ASXL3: variants seen among roughly 807,000 people sequenced by gnomAD.
ASXL3 encodes ASXL transcriptional regulator 3, also known as putative Polycomb group protein ASXL3.
A neutral mutation model predicts 170.6 loss-of-function variants in ASXL3; 34 were observed. The observed-to-expected ratio is 0.20, with a 90% CI of 0.15 to 0.27. ASXL3 has a LOEUF of 0.27. ASXL3 is among the 10% of genes least tolerant of loss of function. The pLI, the probability that ASXL3 is intolerant of heterozygous loss-of-function variation, is 1.00. For missense variants in ASXL3, 2,592 were observed against 2,695.3 expected, an observed-to-expected ratio of 0.96 and a Z score of 0.85; for synonymous variants, 1,002 against 989.1, an observed-to-expected ratio of 1.01 and a Z score of -0.24.
chr18:33,695,818 C>T (rs1425269387), intron 8 of ASXL3, among the ~76,000 whole-genome samples: 1 of 152,102 alleles, frequency 6.6e-6, no homozygotes, highest in Non-Finnish European at 1.5e-5. Context: ...CATGTATAAT[C>T]CACTACCACT....
chr18:33,710,264 A>AAAAAC (rs1291551616), intron 8 of ASXL3, among the ~76,000 whole-genome samples: 8 of 152,218 alleles, frequency 5.3e-5, no homozygotes, highest in Non-Finnish European at 8.8e-5. Flanking sequence ...TCCGTCTCAA[A>AAAAAC]AAAACAAAAC....
At chr18:33,646,146 CAAAT>C (rs765587224) in intron 3 of ASXL3, 95 bp from the exon 4 acceptor site, 2 of 789,098 alleles carry the variant, frequency 2.5e-6, no homozygotes, top group Non-Finnish European at 3.9e-6. Context: ...TGTTAAGTCA[CAAAT>C]AACTGATCAT....
chr18:33,736,345 C>CCTT (rs2067547271), intron 10 of ASXL3, among the ~76,000 whole-genome samples: 1 of 151,772 alleles, frequency 6.6e-6, no homozygotes, highest in African/African-American at 2.4e-5. Context: ...CTACTTAGCC[C>CCTT]TTTTTTTTGC....
chr18:33,747,200 T>C lies in ASXL3; in HGVS notation c.*605T>C, dbSNP rs1171769386. ...TATTATCTTTCCTCCTGTTGTACTT[T>C]CTCAGAGACTATGGCAGAATATCTG... On this transcript the variant is annotated 3_prime_UTR_variant, in exon 12 of 12. Transcript: ENST00000269197. The C allele has an allele frequency of 6.6e-6, 1 of 152,238 alleles. No homozygotes were observed. The highest frequency in any genetic ancestry group is 1.5e-5 in the Non-Finnish European group (1 of 68,048). 9.4% of individuals were successfully genotyped at this position (152,238 alleles called of 1,614,324 possible).
chr18:33,722,771 G>GC (rs2067284905), intron 8 of ASXL3, among the ~76,000 whole-genome samples: 2 of 152,162 alleles, frequency 1.3e-5, no homozygotes, highest in African/African-American at 4.8e-5. Context: ...GGAAAAAGAT[G>GC]CCATTGGGCT....
At position 33,703,478 on chromosome 18, in the gene ASXL3, C is replaced by A. The variant is rs553370797; in HGVS notation, c.879+19910C>A. 3.3e-5 allele frequency among the ~76,000 whole-genome samples: 5 copies of A among 152,254 alleles called. No homozygotes were observed. In the East Asian group the frequency reaches 7.8e-4, roughly 24 times the overall value. On this transcript the variant is annotated intron_variant, in intron 8 of 11. Coordinates refer to ENST00000269197, the MANE Select transcript of ASXL3 (RefSeq NM_030632.3). The stretch of plus-strand genomic sequence containing the variant: ...GTCACTCATGCGGTGGAGCCACCAC[C>A]CTACAGTGGCCCACTGCCCAAAAGA...
chr18:33,673,758 A>G (rs1427723343), intron 7 of ASXL3, among the ~76,000 whole-genome samples: 4 of 152,218 alleles, frequency 2.6e-5, no homozygotes, highest in African/African-American at 4.8e-5. Flanking sequence ...CAACTGAAAG[A>G]TATAAAGACT....
intron 2 of ASXL3, chr18:33,609,034 G>C (rs2065293887): frequency 5.1e-6 from 5 of 984,664 alleles, no homozygotes; most frequent in Non-Finnish European, 6.0e-6. Flanking sequence ...CTGTGTTTGT[G>C]CTAGTTGTTC....
intron 8 of ASXL3, among the ~76,000 whole-genome samples, chr18:33,699,381 A>C (rs1047807438): frequency 6.6e-6 from 1 of 152,094 alleles, no homozygotes; most frequent in Non-Finnish European, 1.5e-5. Context: ...TATTAGTTGA[A>C]GAGTAGAATA....
intron 5 of ASXL3, among the ~76,000 whole-genome samples, chr18:33,663,439 G>A (rs2066208985): frequency 6.6e-6 from 1 of 151,990 alleles, no homozygotes; most frequent in Non-Finnish European, 1.5e-5. Context: ...TTTTGGTTTT[G>A]TATTATTTGA....
In ASXL3 at chr18:33,738,683, G is replaced by C; in HGVS notation, c.1279G>C (p.Glu427Gln). 6.2e-7 allele frequency: 1 copy of C among 1,613,980 alleles called. No individual in the cohort carries two copies. The highest frequency in any genetic ancestry group is 8.5e-7 in the Non-Finnish European group (1 of 1,179,872). The stretch of plus-strand genomic sequence containing the variant: ...CTGTGCTACTCTTTGCCCTATGGTA[G>C]AAATTCCACCTAAAGATATAATGGC... Reference protein sequence around the residue: ...GFCATLCPMVEIPPKDIMAEL... With the variant: ...GFCATLCPMVQIPPKDIMAEL... The change falls in exon 11 of 12, where the codon GAA becomes CAA. Residue 427 changes from glutamate (E) to glutamine (Q), a missense_variant. Physicochemically the swap from Glu to Gln is conservative, Grantham distance 29 (BLOSUM62 2). This residue lies in a region of ASXL3 where 2,246 missense variants were observed against 2,219.6 expected (regional missense o/e 1.01). Transcript: ENST00000269197.
chr18:33,648,393 T>C (rs375553060), intron 4 of ASXL3, among the ~76,000 whole-genome samples: 2 of 151,664 alleles, frequency 1.3e-5, no homozygotes, highest in African/African-American at 4.8e-5. Context: ...GAGAAAGGAG[T>C]TGGGGATAAC....
At chr18:33,642,593 A>G (rs760096676) in intron 2 of ASXL3, among the ~76,000 whole-genome samples, 21 of 151,944 alleles carry the variant, frequency 1.4e-4, no homozygotes, top group Non-Finnish European at 2.7e-4. Flanking sequence ...TGCAATAGTT[A>G]TTGAGACTTT....
chr18:33,677,316 C>T (rs1015004157), intron 7 of ASXL3, among the ~76,000 whole-genome samples: 4 of 152,044 alleles, frequency 2.6e-5, no homozygotes, highest in African/African-American at 9.7e-5. Context: ...ATCTCCAGTG[C>T]ATTATAAACA....
rs2067640135 is a variant in ASXL3 at position 33,740,302 on chromosome 18, T to G, written c.2898T>G (p.Thr966=). 2 of 1,612,006 alleles carry G rather than the reference T, an allele frequency of 1.2e-6. No homozygotes were observed. Among genetic ancestry groups the G allele is most frequent in the African/African-American group, 2.7e-5 (2 of 74,880 alleles). ...ATTCAGAGATATCAAAGAGAAAAAC[T>G]GCAGAGCAACACAGCTTTGGAATCT... is the stretch of plus-strand genomic sequence containing the variant. ...SRDSEISKRK[T]AEQHSFGICK... Residue 966 remains threonine (T), a synonymous_variant, in exon 11 of 12, where the codon ACT becomes ACG. Transcript: ENST00000269197.
chr18:33,711,703 T>C (rs1162537347), intron 8 of ASXL3, among the ~76,000 whole-genome samples: 1 of 152,066 alleles, frequency 6.6e-6, no homozygotes, highest in Non-Finnish European at 1.5e-5. Context: ...GGTGAGACCA[T>C]ATGGTGTGAT....
At chr18:33,603,067 T>C (rs889778470) in intron 1 of ASXL3, among the ~76,000 whole-genome samples, 1 of 152,134 alleles carries the variant, frequency 6.6e-6, no homozygotes, top group African/African-American at 2.4e-5. Flanking sequence ...TAGACATCTA[T>C]CATTGAAATG....
At position 33,709,911 on chromosome 18, in the gene ASXL3, C is replaced by T. The variant is rs190017599; in HGVS notation, c.880-22057C>T. The stretch of plus-strand genomic sequence containing the variant: ...CACTGCTTCCTAATCACTTCCACTC[C>T]CACCATGACCCCTAGCTCCTTGTCA... On this transcript the variant is annotated intron_variant, in intron 8 of 11. Transcript: ENST00000269197. 5.0e-3 allele frequency among the ~76,000 whole-genome samples: 764 copies of T among 152,282 alleles called. 5 individuals carry two copies. Among genetic ancestry groups the T allele is most frequent in the Middle Eastern group, 0.014 (4 of 294 alleles).
chr18:33,629,206 G>C (rs1280334411), intron 2 of ASXL3, among the ~76,000 whole-genome samples: 1 of 152,072 alleles, frequency 6.6e-6, no homozygotes. Flanking sequence ...ATTGAATTCA[G>C]CACCTTAAGA....
Sources: allele counts gnomAD v4.1 joint callset (sites outside exome capture counted in the v4.1 genomes callset), GRCh38; gene constraint gnomAD v4.1.1; regional missense constraint gnomAD v4.1.1; transcripts MANE v1.5; gene names NCBI Gene and HGNC (gene_info 2026-07-23, HGNC 2026-07-21).